Variants in IGDCC4 observed in about 807,000 individuals in gnomAD.
IGDCC4 encodes immunoglobulin superfamily DCC subclass member 4, also known as likely ortholog of mouse neighbor of Punc E11.
A neutral mutation model predicts 116.6 loss-of-function variants in IGDCC4; 72 were observed. The observed-to-expected ratio is 0.62, with a 90% CI of 0.51 to 0.75. The LOEUF is 0.75. Among genes scored for constraint, IGDCC4 ranks in the 30% least tolerant of loss-of-function variants. The probability of loss-of-function intolerance (pLI) is 0.00; values close to 1 mark genes in which losing one functional copy is unlikely to be tolerated. For missense variants in IGDCC4, 1,501 were observed against 1,662.4 expected, an observed-to-expected ratio of 0.90 and a Z score of 1.69; for synonymous variants, 709 against 719.9, an observed-to-expected ratio of 0.98 and a Z score of 0.24.
chr15:65,385,759 G>T, intron 18 of IGDCC4, 72 bp downstream of exon 18: 1 of 1,239,992 alleles, frequency 8.1e-7, no homozygotes, highest in Non-Finnish European at 1.2e-6. Flanking sequence ...TGCTCGCATA[G>T]CCACGCGTTG....
At chr15:65,391,749 G>T (rs1449327213) in intron 12 of IGDCC4, 131 bp downstream of exon 12, 2 of 742,834 alleles carry the variant, frequency 2.7e-6, no homozygotes, top group Non-Finnish European at 4.6e-6. Flanking sequence ...GATCCTAGGA[G>T]AATGGGTTTG....
intron 1 of IGDCC4, among the ~76,000 whole-genome samples, chr15:65,419,458 C>G (rs950748678): frequency 3.3e-5 from 5 of 152,068 alleles, no homozygotes; most frequent in Non-Finnish European, 7.4e-5. Flanking sequence ...AAAAGAAATG[C>G]TAATTAACAT....
Position 65,402,468 on chromosome 15 carries a change from C to T in IGDCC4, c.583G>A (p.Gly195Ser), listed in dbSNP as rs931572696. Residue 195 changes from glycine (G) to serine (S), a missense_variant, in exon 4 of 20, where the codon GGC (glycine) becomes AGC (serine). This residue lies in a region of IGDCC4 where 898 missense variants were observed against 978.9 expected (regional missense o/e 0.92). Coordinates refer to ENST00000352385, the MANE Select transcript of IGDCC4 (RefSeq NM_020962.3). Reference protein sequence around the residue: ...EEPRLIVLPNGVLQILDVQES... With the variant: ...EEPRLIVLPNSVLQILDVQES... ...TGAACATCCAGGATCTGAAGGACGC[C>T]GTTGGGAAGCACGATGAGCCTTGGG... is the stretch of plus-strand genomic sequence containing the variant. 115 of 1,566,950 alleles carry T rather than the reference C, an allele frequency of 7.3e-5. No homozygotes were observed. Among genetic ancestry groups the T allele is most frequent in the Non-Finnish European group, 9.5e-5 (110 of 1,155,198 alleles).
intron 2 of IGDCC4, 91 bp from the exon 3 acceptor site, chr15:65,410,410 A>ACAGAGAAACACACAGT: frequency 7.0e-7 from 1 of 1,423,664 alleles, no homozygotes; most frequent in East Asian, 2.3e-5. Context: ...CCGCATGGAG[A>ACAGAGAAACACACAGT]CACAGAAACA....
chr15:65,410,327 C>T lies in IGDCC4; in HGVS notation c.422-8G>A. On this transcript the variant is annotated splice_region_variant and splice_polypyrimidine_tract_variant and intron_variant, in intron 2 of 19. Transcript: ENST00000352385. Reference sequence around the variant, plus strand: ...GAGAGAAGTCTGCGAGTGCTGGGGACAGTGAGACACAGGCAGGGACGGGAA... The same window carrying T: ...GAGAGAAGTCTGCGAGTGCTGGGGATAGTGAGACACAGGCAGGGACGGGAA... 6.2e-7 allele frequency: 1 copy of T among 1,613,780 alleles called. No individual in the cohort carries two copies. The highest frequency in any genetic ancestry group is 1.1e-5 in the South Asian group (1 of 91,078).
chr15:65,407,205 CAT>C (rs2063048226), intron 3 of IGDCC4, among the ~76,000 whole-genome samples: 1 of 150,500 alleles, frequency 6.6e-6, no homozygotes, highest in South Asian at 2.1e-4. Flanking sequence ...CTACCATATC[CAT>C]ATGTACAGAC....
At chr15:65,422,746 A>G in intron 1 of IGDCC4, 47 bp downstream of exon 1, 1 of 1,309,698 alleles carries the variant, frequency 7.6e-7, no homozygotes, top group Non-Finnish European at 9.8e-7. Flanking sequence ...GCGCGGGCGC[A>G]CCAGCACTCC....
chr15:65,396,872 CGCGT>C lies in IGDCC4; in HGVS notation c.955_958del (p.Thr319AlafsTer121). 6.3e-7 allele frequency: 1 copy of C among 1,576,270 alleles called. No homozygotes were observed. Among genetic ancestry groups the C allele is most frequent in the Non-Finnish European group, 8.6e-7 (1 of 1,161,152 alleles). ...CTCAGCGGCTGCAGTGGCGAAGTCG[CGCGT>C]GCGGGGCTTGTTGGCGCGGCAGACA... On this transcript the variant is annotated frameshift_variant, in exon 6 of 20. Transcript: ENST00000352385. LOFTEE classifies it high-confidence loss of function.
chr15:65,408,838 CTTT>C (rs397702487), intron 3 of IGDCC4, among the ~76,000 whole-genome samples: 13 of 118,630 alleles, frequency 1.1e-4, no homozygotes, highest in Admixed American at 1.8e-4. Flanking sequence ...ATGTCTCTCT[CTTT>C]TTTTTTTTTT....
chr15:65,388,881 G>T lies in IGDCC4; in HGVS notation c.2634C>A (p.Ile878=). The T allele has an allele frequency of 6.2e-7, 1 of 1,614,000 alleles. No individual in the cohort carries two copies. The highest frequency in any genetic ancestry group is 1.3e-5 in the African/African-American group (1 of 75,042). ...WCPPTEPNGE[I]VEYLILYSSN... ...TGCTGTACAGGATCAGATACTCCAC[G>T]ATCTCCCCGTTGGGCTCTGTGGGGG... The change falls in exon 15 of 20, where the codon ATC becomes ATA. Residue 878 remains isoleucine, a synonymous_variant. Transcript: ENST00000352385.
In IGDCC4 at chr15:65,396,910, G is replaced by T; in HGVS notation, c.921C>A (p.Ser307=). The T allele has an allele frequency of 1.3e-6, 2 of 1,573,172 alleles. No individual in the cohort carries two copies. The highest frequency in any genetic ancestry group is 1.7e-6 in the Non-Finnish European group (2 of 1,159,022). ...TGTTGGCGCGGCAGACATAGACGCC[G>T]GAGTGCCAGGGCTGCGCGTTGGCAA... ...LLIANAQPWH[S]GVYVCRANKP... is the part of the protein sequence containing the mutation. The change falls in exon 6 of 20, where the codon TCC becomes TCA. Residue 307 remains serine (S), a synonymous_variant. Coordinates refer to ENST00000352385, the MANE Select transcript of IGDCC4 (RefSeq NM_020962.3).
intron 18 of IGDCC4, 147 bp downstream of exon 18, chr15:65,385,684 C>T: frequency 1.3e-6 from 1 of 741,106 alleles, no homozygotes; most frequent in South Asian, 1.5e-5. Context: ...GACAGCCAAC[C>T]ATTCCGTGGA....
intron 4 of IGDCC4, among the ~76,000 whole-genome samples, chr15:65,401,343 C>T (rs1314792741): frequency 6.6e-6 from 1 of 152,190 alleles, no homozygotes; most frequent in African/African-American, 2.4e-5. Context: ...TTGGCAAATC[C>T]CTTCTCCAAA....
chr15:65,389,558 AC>A, intron 13 of IGDCC4, 147 bp from the exon 14 acceptor site: 1 of 1,032,404 alleles, frequency 9.7e-7, no homozygotes, highest in Non-Finnish European at 1.4e-6. Context: ...GGCGACTACC[AC>A]CACCCAGGGA....
intron 1 of IGDCC4, among the ~76,000 whole-genome samples, chr15:65,413,843 G>T (rs540674654): frequency 6.6e-6 from 1 of 152,360 alleles, no homozygotes; most frequent in East Asian, 1.9e-4. Flanking sequence ...CTCGGTTCTA[G>T]ATCCAGCTCC....
chr15:65,385,354 G>C (rs1339399331), intron 18 of IGDCC4: 1 of 568,244 alleles, frequency 1.8e-6, no homozygotes, highest in Non-Finnish European at 3.1e-6. Context: ...CAAAGCCCGC[G>C]GTGTCCGAGC....
At chr15:65,387,199 A>T (rs2091468503) in intron 16 of IGDCC4, among the ~76,000 whole-genome samples, 1 of 151,292 alleles carries the variant, frequency 6.6e-6, no homozygotes, top group South Asian at 2.1e-4. Context: ...GATAATTTTT[A>T]AATTTTTTGT....
chr15:65,416,647 G>A (rs1595796290), intron 1 of IGDCC4, among the ~76,000 whole-genome samples: 1 of 152,168 alleles, frequency 6.6e-6, no homozygotes, highest in African/African-American at 2.4e-5. Context: ...CCCTCTCAGT[G>A]CCGGGGTGGA....
chr15:65,392,405 G>A (rs773111332), intron 10 of IGDCC4, 35 bp from the exon 11 acceptor site: 1 of 1,449,174 alleles, frequency 6.9e-7, no homozygotes, highest in Non-Finnish European at 9.2e-7. Context: ...GAAAATTAAG[G>A]AACAGAATGC....
Sources: gnomAD v4.1 joint callset for allele counts (sites outside exome capture counted in the v4.1 genomes callset) on GRCh38, gnomAD v4.1.1 for gene constraint, gnomAD v4.1.1 regional missense constraint, MANE v1.5 for transcripts, NCBI Gene and HGNC (gene_info 2026-07-23, HGNC 2026-07-21) for gene names.